The following CENPE variants were observed in gnomAD, a reference collection of about 807,000 sequenced individuals.
CENPE encodes the protein centromere-associated protein E.
Under a neutral mutation model 336.1 loss-of-function variants are expected in CENPE, and 145 were observed. The ratio of observed to expected loss-of-function variants is 0.43; its 90% CI spans 0.38 to 0.50. The LOEUF (loss-of-function observed/expected upper bound fraction) is 0.50. Ranked by LOEUF, CENPE falls within the 20% of genes least tolerant of loss-of-function variation. The pLI, the probability that CENPE is intolerant of heterozygous loss-of-function variation, is 0.00. For synonymous variants in CENPE, 1,013 were observed against 984.8 expected, an observed-to-expected ratio of 1.03 and a Z score of -0.54; for missense variants, 2,719 against 3,023.3, an observed-to-expected ratio of 0.90 and a Z score of 2.36.
At chr4:103,143,217 C>G (rs781283438) in intron 34 of CENPE, 31 bp downstream of exon 34, 1 of 1,509,722 alleles carries the variant, frequency 6.6e-7, no homozygotes, top group Admixed American at 2.1e-5. Context: ...TTCAAACTCT[C>G]AGTAACTGAG....
At chr4:103,154,122 C>A (rs1753778863) in intron 24 of CENPE, among the ~76,000 whole-genome samples, 1 of 152,036 alleles carries the variant, frequency 6.6e-6, no homozygotes, top group Non-Finnish European at 1.5e-5. Flanking sequence ...CAGCAAACAG[C>A]TCCATATTGC....
At chr4:103,133,985 C>T in intron 40 of CENPE, 93 bp from the exon 41 acceptor site, 20 of 769,604 alleles carry the variant, frequency 2.6e-5, no homozygotes, top group Middle Eastern at 3.5e-4. Flanking sequence ...AGGATGACAT[C>T]TCTTATTTAC....
chr4:103,190,450 G>A (rs1421789906), intron 8 of CENPE, among the ~76,000 whole-genome samples: 1 of 152,102 alleles, frequency 6.6e-6, no homozygotes, highest in Non-Finnish European at 1.5e-5. Context: ...CAGAGATATA[G>A]ACCAATGGAA....
chr4:103,143,159 T>G (rs1166495786), intron 34 of CENPE, 89 bp downstream of exon 34: 2 of 893,424 alleles, frequency 2.2e-6, no homozygotes, highest in African/African-American at 3.4e-5. Flanking sequence ...TCACTTGCCT[T>G]CAATTTTAGG....
At chr4:103,121,218 T>A (rs758935763) in intron 43 of CENPE, among the ~76,000 whole-genome samples, 3 of 152,228 alleles carry the variant, frequency 2.0e-5, no homozygotes, top group Non-Finnish European at 4.4e-5. Context: ...ATATAGTTTC[T>A]AAAAATAGTA....
At chr4:103,197,254 A>G (rs555462309) in intron 1 of CENPE, among the ~76,000 whole-genome samples, 8 of 152,320 alleles carry the variant, frequency 5.3e-5, no homozygotes, top group Non-Finnish European at 1.0e-4. Flanking sequence ...CTCTACCTGA[A>G]GGTCTTCCCC....
Position 103,160,620 on chromosome 4 carries a change from T to A in CENPE, c.2286+5A>T, listed in dbSNP as rs1262022012. On this transcript the variant is annotated splice_donor_5th_base_variant and intron_variant, in intron 21 of 48. Coordinates refer to ENST00000265148, the MANE Select transcript of CENPE (RefSeq NM_001813.3). Reference sequence around the variant, plus strand: ...TAAGGGATAAGTGCTTATAAATGTGTTTACCTCTTTCCTCAGCCTTTCTAC... The same window carrying A: ...TAAGGGATAAGTGCTTATAAATGTGATTACCTCTTTCCTCAGCCTTTCTAC... The A allele has an allele frequency of 6.2e-7, 1 of 1,601,870 alleles. No individual in the cohort carries two copies. Among genetic ancestry groups the A allele is most frequent in the Admixed American group, 1.8e-5 (1 of 56,892 alleles).
rs748236673 is a variant in CENPE, at chr4:103,180,317, T to C, written c.1236A>G (p.Glu412=). 8 of 1,609,786 alleles carry C rather than the reference T, an allele frequency of 5.0e-6. No individual in the cohort carries two copies. The highest frequency in any genetic ancestry group is 6.8e-6 in the Non-Finnish European group (8 of 1,177,948). ...TGTCATCTTTTAATTTTACCTTTAA[T>C]TCCTGTTGCAACGTGAGGGAAGAAG... ...VTSSSLTLQQ[E]LKAKRKRRVT... The change falls in exon 13 of 49, where the codon GAA becomes GAG. Residue 412 remains glutamate (E), a synonymous_variant. Coordinates refer to ENST00000265148, the MANE Select transcript of CENPE (RefSeq NM_001813.3).
In CENPE at chr4:103,159,188, G is replaced by A. The variant is rs780792339; in HGVS notation, c.2423C>T (p.Thr808Ile). ...IGKTKDDLAT[T>I]QSNYKSTDQE... is the part of the protein sequence containing the mutation. Reference sequence around the variant, plus strand: ...ATCAGTGCTTTTATAATTCGACTGTGTAGTTGCTAGGTCATCTTTTGTTTT... The same window carrying A: ...ATCAGTGCTTTTATAATTCGACTGTATAGTTGCTAGGTCATCTTTTGTTTT... The change falls in exon 22 of 49, where the codon ACA becomes ATA. Residue 808 changes from threonine (T) to isoleucine (I), a missense_variant. Thr to Ile is a moderately conservative substitution (Grantham distance 89). This residue lies in a region of CENPE where 2,437 missense variants were observed against 2,513.3 expected (regional missense o/e 0.97). Coordinates refer to ENST00000265148, the MANE Select transcript of CENPE (RefSeq NM_001813.3). 24 of 1,612,784 alleles carry A rather than the reference G, an allele frequency of 1.5e-5. No homozygotes were observed. Among genetic ancestry groups the A allele is most frequent in the Non-Finnish European group, 1.9e-5 (22 of 1,179,264 alleles).
chr4:103,143,003 C>CA (rs1168385683), intron 34 of CENPE, among the ~76,000 whole-genome samples: 2,471 of 62,354 alleles, frequency 0.04, 118 homozygotes, highest in East Asian at 0.086. Context: ...GACTCTGTCT[C>CA]AAAAAAAAAA....
In CENPE at chr4:103,140,893, T is replaced by A; in HGVS notation, c.5675A>T (p.Asp1892Val). ...EEMKSVMKERDNLRRVEETLK... is the reference protein window; with the variant it reads ...EEMKSVMKERVNLRRVEETLK... Reference sequence around the variant, plus strand: ...TGTCTCCTCTACTCTTCTTAGATTATCTCTTTCTTTCATTACAGATTTCAT... The same window carrying A: ...TGTCTCCTCTACTCTTCTTAGATTAACTCTTTCTTTCATTACAGATTTCAT... The change falls in exon 36 of 49, where the codon GAT becomes GTT. Residue 1892 changes from aspartate (D) to valine (V), a missense_variant. Physicochemically the swap from Asp to Val is radical, Grantham distance 152. Coordinates refer to ENST00000265148, the MANE Select transcript of CENPE (RefSeq NM_001813.3). 1.2e-6 allele frequency: 2 copies of A among 1,612,536 alleles called. No individual in the cohort carries two copies. The highest frequency in any genetic ancestry group is 1.7e-6 in the Non-Finnish European group (2 of 1,179,080).
Position 103,183,269 on chromosome 4 carries a change from GCCTT to G in CENPE, c.761_764del (p.Glu254AlafsTer4). 1 of 1,612,714 alleles carries G rather than the reference GCCTT, an allele frequency of 6.2e-7. No homozygotes were observed. The highest frequency in any genetic ancestry group is 8.5e-7 in the Non-Finnish European group (1 of 1,179,346). On this transcript the variant is annotated frameshift_variant, in exon 10 of 49. Transcript: ENST00000265148. LOFTEE classifies it high-confidence loss of function. ...TAAATAAGCTTCGATTTATATTACAGCCTTCCTTGAGCCGCACACCTGAATTTAT... is the reference window on the plus strand; with the variant it reads ...TAAATAAGCTTCGATTTATATTACAGCCTTGAGCCGCACACCTGAATTTAT...
chr4:103,116,957 A>G (rs1426121619), intron 44 of CENPE, among the ~76,000 whole-genome samples: 2 of 152,182 alleles, frequency 1.3e-5, no homozygotes, highest in African/African-American at 4.8e-5. Flanking sequence ...CTTAAAATAA[A>G]TATTTTTTTT....
chr4:103,144,760 T>G, intron 32 of CENPE, 142 bp from the exon 33 acceptor site: 1 of 640,978 alleles, frequency 1.6e-6, no homozygotes, highest in Non-Finnish European at 2.6e-6. Flanking sequence ...TGAGTAACAA[T>G]AATTAGATGT....
intron 16 of CENPE, among the ~76,000 whole-genome samples, chr4:103,166,601 T>C (rs1276221804): frequency 2.0e-5 from 3 of 152,210 alleles, no homozygotes; most frequent in Non-Finnish European, 2.9e-5. Context: ...CATAGAATTC[T>C]TTTTTCCTTT....
At chr4:103,145,008 A>G (rs367658411) in intron 32 of CENPE, 42 bp downstream of exon 32, 3 of 1,442,764 alleles carry the variant, frequency 2.1e-6, no homozygotes, top group African/African-American at 2.9e-5. Flanking sequence ...CCTTAACACT[A>G]TTTCTGTATC....
chr4:103,164,374 T>C (rs996629087), intron 16 of CENPE, among the ~76,000 whole-genome samples: 12 of 152,062 alleles, frequency 7.9e-5, no homozygotes, highest in Non-Finnish European at 2.9e-5. Flanking sequence ...CAAATTCTAA[T>C]AGTATGTAAG....
intron 9 of CENPE, among the ~76,000 whole-genome samples, chr4:103,185,578 T>C (rs915433281): frequency 2.0e-5 from 3 of 152,126 alleles, no homozygotes; most frequent in African/African-American, 4.8e-5. Context: ...ATCCCATCAA[T>C]TGTATAATTT....
Position 103,110,820 on chromosome 4 carries a change from G to T in CENPE, c.7724+8C>A, listed in dbSNP as rs1245114166. 1.9e-6 allele frequency: 3 copies of T among 1,582,476 alleles called. No homozygotes were observed. Among genetic ancestry groups the T allele is most frequent in the African/African-American group, 2.7e-5 (2 of 73,596 alleles). On this transcript the variant is annotated splice_region_variant and intron_variant, in intron 47 of 48. Transcript: ENST00000265148. ...GCATAATATCCGTATCATGTAAGCAGATCTTACCTTAACAATTCATTCTTT... is the reference window on the plus strand; with the variant it reads ...GCATAATATCCGTATCATGTAAGCATATCTTACCTTAACAATTCATTCTTT...
Sources: gnomAD v4.1 joint callset for allele counts (sites outside exome capture counted in the v4.1 genomes callset) on GRCh38, gnomAD v4.1.1 for gene constraint, gnomAD v4.1.1 regional missense constraint, MANE v1.5 for transcripts, NCBI Gene and HGNC (gene_info 2026-07-23, HGNC 2026-07-21) for gene names.